The following KCNJ15 variants were observed in gnomAD, a reference collection of about 807,000 sequenced individuals.
KCNJ15 encodes the protein potassium inwardly rectifying channel subfamily J member 15, also known as ATP-sensitive inward rectifier potassium channel 15.
Under a neutral mutation model 23.0 loss-of-function variants are expected in KCNJ15, and 14 were observed. That is an observed-to-expected ratio of 0.61 (90% CI 0.40 to 0.95). KCNJ15 has a LOEUF of 0.95. Ranked by LOEUF, KCNJ15 falls within the 40% of genes least tolerant of loss-of-function variation. The pLI, the probability that KCNJ15 is intolerant of heterozygous loss-of-function variation, is 0.00. For synonymous variants in KCNJ15, 185 were observed against 183.2 expected (o/e 1.01, Z -0.08); for missense variants, 388 against 461.8 (o/e 0.84, Z 1.46).
At chr21:38,260,413 G>GAGTA (rs3838104) in intron 1 of KCNJ15, among the ~76,000 whole-genome samples, 10,986 of 152,170 alleles carry the variant, frequency 0.072, 965 homozygotes, top group African/African-American at 0.21. Flanking sequence ...AGAACTCCAT[G>GAGTA]AGTAGTTCAT....
intron 1 of KCNJ15, among the ~76,000 whole-genome samples, chr21:38,293,961 G>A (rs150798397): frequency 4.3e-4 from 66 of 152,342 alleles, no homozygotes; most frequent in Non-Finnish European, 7.3e-4. Context: ...TCACTGCTGC[G>A]TAGTGTAGGG....
intron 1 of KCNJ15, among the ~76,000 whole-genome samples, chr21:38,236,950 A>G (rs1280060847): frequency 2.0e-5 from 3 of 152,120 alleles, no homozygotes; most frequent in Non-Finnish European, 4.4e-5. Flanking sequence ...CAGACAGTCT[A>G]TGGGTGGGAG....
At position 38,300,246 on chromosome 21, in the gene KCNJ15, C is replaced by T; in HGVS notation, c.985C>T (p.Gln329Ter). Residue 329 changes from glutamine to a stop codon, truncating the protein, a stop_gained, in exon 3 of 3, where the codon CAG becomes TAG. Transcript: ENST00000398938. LOFTEE classifies it high-confidence loss of function. ...KNGKYVADFS[Q>*]FEQIRKSPDC... ...TGGAAAATATGTGGCTGATTTCAGT[C>T]AGTTTGAACAGATTCGGAAAAGCCC... is the stretch of plus-strand genomic sequence containing the variant. The T allele has an allele frequency of 6.2e-7, 1 of 1,614,174 alleles. No homozygotes were observed. The highest frequency in any genetic ancestry group is 8.5e-7 in the Non-Finnish European group (1 of 1,180,040).
upstream of KCNJ15, among the ~76,000 whole-genome samples, chr21:38,254,892 AG>A (rs1255730723): frequency 6.6e-6 from 1 of 152,276 alleles, no homozygotes; most frequent in Non-Finnish European, 1.5e-5. Context: ...CTGGAAATAC[AG>A]ATTAAATATA....
intron 1 of KCNJ15, among the ~76,000 whole-genome samples, chr21:38,294,564 A>G (rs1026617856): frequency 6.6e-6 from 1 of 152,144 alleles, no homozygotes; most frequent in Non-Finnish European, 1.5e-5. Flanking sequence ...AGATGGGCAA[A>G]TTGAAAATCT....
rs1231588644 is a variant in KCNJ15 at position 38,303,511 on chromosome 21, A to C, written c.*3122A>C. On this transcript the variant is annotated 3_prime_UTR_variant, in exon 3 of 3. Coordinates refer to ENST00000398938, the MANE Select transcript of KCNJ15 (RefSeq NM_170736.3). ...AGACAGTGGCTCTGGACAGCAAAGC[A>C]CTGAGTCACCCAACCCCACTCCTTT... 6.6e-6 allele frequency: 1 copy of C among 151,984 alleles called. No homozygotes were observed. The highest frequency in any genetic ancestry group is 1.9e-4 in the East Asian group (1 of 5,150). 9.4% of individuals were successfully genotyped at this position (151,984 alleles called of 1,614,324 possible). A position where few individuals can be genotyped will look rare whatever the true frequency, so the allele number is the denominator to read the frequency against.
intron 1 of KCNJ15, chr21:38,291,860 C>G (rs963115833): frequency 2.0e-5 from 3 of 152,228 alleles, no homozygotes; most frequent in African/African-American, 7.2e-5. Flanking sequence ...TCCAACATAC[C>G]TTGTGCTATA....
chr21:38,280,210 C>T (rs1475563976), intron 1 of KCNJ15, among the ~76,000 whole-genome samples: 2 of 152,178 alleles, frequency 1.3e-5, no homozygotes, highest in Non-Finnish European at 2.9e-5. Context: ...ACACCAGTTA[C>T]ACAGTATAGA....
In KCNJ15 at chr21:38,305,812, G is replaced by A. The variant is rs1262150521; in HGVS notation, c.*5423G>A. The A allele has an allele frequency of 1.3e-5, 2 of 152,138 alleles. No homozygotes were observed. Among genetic ancestry groups the A allele is most frequent in the East Asian group, 3.8e-4 (2 of 5,200 alleles). The allele number at this position is 152,138 out of a possible 1,614,324, so 9.4% of individuals were successfully genotyped here. A position where few individuals can be genotyped will look rare whatever the true frequency, so the allele number is the denominator to read the frequency against. On this transcript the variant is annotated 3_prime_UTR_variant, in exon 3 of 3. Transcript: ENST00000398938. ...TCCCAAACTATGCCCATTTCTACAA[G>A]AGAAATACATGCCTCTTTATTTGGA...
intron 1 of KCNJ15, among the ~76,000 whole-genome samples, chr21:38,284,496 G>C (rs924628804): frequency 2.0e-5 from 3 of 152,196 alleles, no homozygotes; most frequent in Non-Finnish European, 2.9e-5. Context: ...CACCGCCCTT[G>C]TCCATGCATC....
intron 1 of KCNJ15, among the ~76,000 whole-genome samples, chr21:38,286,114 G>A (rs1983868128): frequency 2.0e-5 from 3 of 152,190 alleles, no homozygotes; most frequent in Admixed American, 2.0e-4. Flanking sequence ...GTGGTGGCGG[G>A]TGCCTGTAGT....
intron 1 of KCNJ15, among the ~76,000 whole-genome samples, chr21:38,261,235 G>A (rs1568992760): frequency 6.6e-6 from 1 of 152,288 alleles, no homozygotes; most frequent in South Asian, 2.1e-4. Flanking sequence ...ACTGGAGGCT[G>A]ATGAAGATTT....
chr21:38,269,314 T>C (rs1981831995), intron 1 of KCNJ15, among the ~76,000 whole-genome samples: 1 of 151,950 alleles, frequency 6.6e-6, no homozygotes, highest in African/African-American at 2.4e-5. Flanking sequence ...CTTTCAAGCT[T>C]TTTTTTTAAA....
Position 38,277,212 on chromosome 21 carries a change from G to A in KCNJ15, c.-116-19714G>A, listed in dbSNP as rs188547489. On this transcript the variant is annotated intron_variant, in intron 1 of 2. Transcript: ENST00000398938. ...TGTAAACATATCCTGGAGATCGAAT[G>A]TGAACATTTGATGGCTGATGGGAAG... Among the ~76,000 whole-genome samples the A allele has an allele frequency of 6.1e-3, 925 of 152,294 alleles. 9 individuals are homozygous for A. Among genetic ancestry groups the A allele is most frequent in the Middle Eastern group, 0.02 (6 of 294 alleles).
chr21:38,238,243 T>G (rs1018538516), intron 1 of KCNJ15: 1 of 613,922 alleles, frequency 1.6e-6, no homozygotes, highest in South Asian at 1.4e-5. Context: ...ATGTAGCAGT[T>G]TTCGTAATTC....
intron 1 of KCNJ15, among the ~76,000 whole-genome samples, chr21:38,264,768 G>A (rs1372603844): frequency 6.6e-6 from 1 of 152,182 alleles, no homozygotes; most frequent in Admixed American, 6.5e-5. Flanking sequence ...TTGCGTAAGT[G>A]GGGTTATTAA....
rs980848239 is a variant in KCNJ15 at position 38,245,180 on chromosome 21, G to A, written c.-398-11866G>A. Among the ~76,000 whole-genome samples, 9 of 152,084 alleles carry A rather than the reference G, an allele frequency of 5.9e-5. No individual in the cohort carries two copies. In the South Asian group the frequency reaches 6.2e-4, roughly 11 times the overall value. On this transcript the variant is annotated intron_variant, in intron 1 of 4. Transcript: ENST00000547341. Reference sequence around the variant, plus strand: ...GCGGGGCTGGAGACCTGGATTCTACGTCGGAGTTTACCGCATCCTGGTTCT... The same window carrying A: ...GCGGGGCTGGAGACCTGGATTCTACATCGGAGTTTACCGCATCCTGGTTCT...
At chr21:38,238,578 C>T in intron 1 of KCNJ15, 1 of 625,092 alleles carries the variant, frequency 1.6e-6, no homozygotes. Flanking sequence ...TCACTAGGCA[C>T]ACACACTTGT....
chr21:38,268,328 G>T (rs1318902755), intron 1 of KCNJ15, among the ~76,000 whole-genome samples: 1 of 152,008 alleles, frequency 6.6e-6, no homozygotes, highest in African/African-American at 2.4e-5. Context: ...TTCTTTGGCT[G>T]GGACTATATT....
Sources: allele counts gnomAD v4.1 joint callset (sites outside exome capture counted in the v4.1 genomes callset), GRCh38; gene constraint gnomAD v4.1.1; transcripts MANE v1.5; gene names NCBI Gene and HGNC (gene_info 2026-07-23, HGNC 2026-07-21).